Variants in MCF2L observed in about 807,000 individuals in gnomAD.
MCF2L encodes MCF.2 cell line derived transforming sequence like.
A neutral mutation model predicts 153.4 loss-of-function variants in MCF2L; 97 were observed. The ratio of observed to expected loss-of-function variants is 0.63; its 90% CI spans 0.54 to 0.75. MCF2L has a LOEUF of 0.75. Among genes scored for constraint, MCF2L ranks in the 30% least tolerant of loss-of-function variants. The probability of loss-of-function intolerance (pLI) is 0.00; values close to 1 mark genes in which losing one functional copy is unlikely to be tolerated. For synonymous variants in MCF2L, 659 were observed against 632.2 expected (o/e 1.04, Z -0.64); for missense variants, 1,347 against 1,495.2 (o/e 0.90, Z 1.64).
At chr13:112,991,129 C>A (rs957023028) in intron 1 of MCF2L, among the ~76,000 whole-genome samples, 1 of 152,252 alleles carries the variant, frequency 6.6e-6, no homozygotes, top group South Asian at 2.1e-4. Flanking sequence ...TTCCAGGAAG[C>A]AGTCTCAGCT....
chr13:113,033,197 A>G (rs1300239960), intron 3 of MCF2L, among the ~76,000 whole-genome samples: 13 of 97,718 alleles, frequency 1.3e-4, no homozygotes, highest in South Asian at 7.3e-4. Flanking sequence ...GGACCCCGTG[A>G]CGTGAGTGGC....
chr13:112,963,327 C>A (rs4907569), intron 2 of MCF2L, among the ~76,000 whole-genome samples: 1 of 152,178 alleles, frequency 6.6e-6, no homozygotes, highest in Non-Finnish European at 1.5e-5. Flanking sequence ...CAGGGTCTGA[C>A]CGTGCTCCTT....
intron 1 of MCF2L, among the ~76,000 whole-genome samples, chr13:112,982,249 T>A (rs1348006181): frequency 6.6e-6 from 1 of 152,136 alleles, no homozygotes; most frequent in Non-Finnish European, 1.5e-5. Context: ...TGAAGGGGAT[T>A]TCTGAGCTGG....
In MCF2L at chr13:113,053,035, GAC is replaced by G. The variant is rs568261345; in HGVS notation, c.370-7546_370-7545del. Among the ~76,000 whole-genome samples the G allele has an allele frequency of 6.6e-6, 1 of 151,878 alleles. No individual in the cohort carries two copies. The highest frequency in any genetic ancestry group is 2.1e-4 in the South Asian group (1 of 4,798). On this transcript the variant is annotated intron_variant, in intron 4 of 29. Transcript: ENST00000535094. The surrounding 1 kb of genome is among the most constrained non-coding windows in gnomAD (Gnocchi z 4.4). ...CATATACACACATCACATAAACACA[GAC>G]ACACACACACATTTTGCTGGTGAGA... is the stretch of plus-strand genomic sequence containing the variant.
intron 4 of MCF2L, among the ~76,000 whole-genome samples, chr13:113,059,682 G>A (rs569167754): frequency 1.3e-5 from 2 of 152,126 alleles, no homozygotes; most frequent in Non-Finnish European, 2.9e-5. Context: ...TTTCATCTTC[G>A]AAAGGGTGTC....
intron 1 of MCF2L, among the ~76,000 whole-genome samples, chr13:112,984,686 G>A (rs139222022): frequency 1.1e-4 from 17 of 152,296 alleles, no homozygotes; most frequent in African/African-American, 4.1e-4. Context: ...CTAGTAGCGC[G>A]TGCAAAAAGG....
In MCF2L at chr13:113,088,380, G is replaced by T. The variant is rs781307453; in HGVS notation, c.2742G>T (p.Leu914=). The change falls in exon 24 of 30, where the codon CTG becomes CTT. Residue 914 remains leucine, a synonymous_variant. Transcript: ENST00000535094. ...GGGTGAATGAAATTCGGAAAGTGCT[G>T]ACCAGCCAGCTGCAGGCTTGTAGAG... ...AAWVNEIRKV[L]TSQLQACREA... The T allele has an allele frequency of 6.2e-7, 1 of 1,613,940 alleles. No homozygotes were observed. Among genetic ancestry groups the T allele is most frequent in the Non-Finnish European group, 8.5e-7 (1 of 1,180,048 alleles).
At chr13:112,936,205 G>A (rs1046696239) in intron 2 of MCF2L, among the ~76,000 whole-genome samples, 4 of 150,920 alleles carry the variant, frequency 2.7e-5, no homozygotes, top group Admixed American at 6.6e-5. Context: ...ACTTGAACCC[G>A]GGAGGCAGAG....
chr13:113,006,845 C>G (rs2083733843), intron 1 of MCF2L, among the ~76,000 whole-genome samples: 1 of 152,222 alleles, frequency 6.6e-6, no homozygotes, highest in Admixed American at 6.5e-5. Context: ...AGGTTTGGCT[C>G]AGCCCCCAAG....
Position 113,027,545 on chromosome 13 carries a change from C to T in MCF2L, c.278+2787C>T, listed in dbSNP as rs775563281. On this transcript the variant is annotated intron_variant, in intron 3 of 29. Transcript: ENST00000535094. The surrounding 1 kb of genome is among the most constrained non-coding windows in gnomAD (Gnocchi z 4.8). Reference sequence around the variant, plus strand: ...TGTGGTTTTGACCTCAGTCTCTTGTCTGTTGTGAGAATCTTGCACCCCCTA... The same window carrying T: ...TGTGGTTTTGACCTCAGTCTCTTGTTTGTTGTGAGAATCTTGCACCCCCTA... Among the ~76,000 whole-genome samples the T allele has an allele frequency of 1.3e-5, 2 of 152,186 alleles. No homozygotes were observed. Among genetic ancestry groups the T allele is most frequent in the Admixed American group, 1.3e-4 (2 of 15,284 alleles).
In MCF2L at chr13:112,907,648, G is replaced by A. The variant is rs2140511698; in HGVS notation, c.169+5277G>A. ...TATGCTGATGGACTGGTTTCTCTTG[G>A]CCCACAGAAAATGTTCTTTAATAAT... On this transcript the variant is annotated intron_variant, in intron 2 of 29. Coordinates refer to the MCF2L transcript ENST00000375608. The surrounding 1 kb of genome is among the most constrained non-coding windows in gnomAD (Gnocchi z 5.1). Among the ~76,000 whole-genome samples, 1 of 152,228 alleles carries A rather than the reference G, an allele frequency of 6.6e-6. No individual in the cohort carries two copies. Among genetic ancestry groups the A allele is most frequent in the African/African-American group, 2.4e-5 (1 of 41,532 alleles).
At chr13:113,085,298 G>A (rs907370963) in intron 20 of MCF2L, 120 bp downstream of exon 20, 16 of 780,996 alleles carry the variant, frequency 2.0e-5, no homozygotes, top group African/African-American at 1.9e-4. Context: ...CACCTCTTCC[G>A]AGCCTGTGCT....
intron 2 of MCF2L, among the ~76,000 whole-genome samples, chr13:112,929,895 T>C (rs763818572): frequency 4.8e-4 from 73 of 152,238 alleles, no homozygotes; most frequent in Non-Finnish European, 7.3e-4. Context: ...GACCCCTGTT[T>C]TGTGACGTTC....
intron 18 of MCF2L, among the ~76,000 whole-genome samples, chr13:113,084,320 C>T (rs1310148270): frequency 3.3e-5 from 5 of 151,904 alleles, no homozygotes. Context: ...CCCAGGACCT[C>T]CTGTACCCCA....
chr13:112,895,130 C>T (rs2081053977), intron 1 of MCF2L, among the ~76,000 whole-genome samples: 1 of 152,198 alleles, frequency 6.6e-6, no homozygotes, highest in Non-Finnish European at 1.5e-5. Flanking sequence ...CGTGGGCCCT[C>T]TGTGGCTCTT....
At position 113,045,385 on chromosome 13, in the gene MCF2L, C is replaced by T; in HGVS notation, c.369+24C>T. The T allele has an allele frequency of 6.3e-7, 1 of 1,596,816 alleles. No homozygotes were observed. The highest frequency in any genetic ancestry group is 8.6e-7 in the Non-Finnish European group (1 of 1,164,718). The stretch of plus-strand genomic sequence containing the variant: ...CAGTAAGTGCCACCCGGGGCTCTGC[C>T]CTGCGCCCGGCCCCTCCCTGGGCTG... On this transcript the variant is annotated intron_variant, in intron 4 of 29. Coordinates refer to ENST00000535094, the MANE Select transcript of MCF2L (RefSeq NM_001112732.3). This position sits in a 1 kb window ranked among gnomAD's most constrained non-coding sequence, Gnocchi z 4.2.
chr13:113,096,284 T>A (rs1240306949), intron 27 of MCF2L, 87 bp from the exon 28 acceptor site: 1 of 1,079,960 alleles, frequency 9.3e-7, no homozygotes, highest in Non-Finnish European at 1.4e-6. Flanking sequence ...GGCAGGGCGC[T>A]AAGGCCCGGC....
chr13:113,046,271 G>A lies in MCF2L; in HGVS notation c.369+910G>A. On this transcript the variant is annotated intron_variant, in intron 4 of 29. Coordinates refer to ENST00000535094, the MANE Select transcript of MCF2L (RefSeq NM_001112732.3). The surrounding 1 kb of genome is among the most constrained non-coding windows in gnomAD (Gnocchi z 4.4). ...GCCAAAGGACCAAAAAAGGCTGCCT[G>A]TCTGCCAAGAGGTGACCCAGAGCCT... is the stretch of plus-strand genomic sequence containing the variant. The A allele has an allele frequency of 4.5e-6, 1 of 221,224 alleles. No homozygotes were observed. Among genetic ancestry groups the A allele is most frequent in the South Asian group, 6.3e-5 (1 of 15,766 alleles). 13.7% of individuals were successfully genotyped at this position (221,224 alleles called of 1,614,324 possible).
intron 2 of MCF2L, among the ~76,000 whole-genome samples, chr13:112,926,392 C>T (rs542939476): frequency 2.7e-5 from 4 of 150,822 alleles, no homozygotes; most frequent in South Asian, 2.1e-4. Flanking sequence ...GAGTGCAGTA[C>T]GGCCTGGTCT....
Sources: gnomAD v4.1 joint callset for allele counts (sites outside exome capture counted in the v4.1 genomes callset) on GRCh38, gnomAD v4.1.1 for gene constraint, Gnocchi (gnomAD v3.1) non-coding constraint, MANE v1.5 for transcripts, NCBI Gene and HGNC (gene_info 2026-07-23, HGNC 2026-07-21) for gene names.